The following TOP6BL variants were observed in gnomAD, a reference collection of about 807,000 sequenced individuals.
The protein encoded by TOP6BL is type 2 DNA topoisomerase 6 subunit B-like.
At chr11:66,804,273 G>A in the TOP6BL span, 5 of 1,041,032 alleles carry the variant, frequency 4.8e-6, no homozygotes, top group Non-Finnish European at 6.8e-6. Flanking sequence ...TTTAGTATGT[G>A]AATTCTGCAT....
At chr11:66,780,611 A>C in the TOP6BL span, among the ~76,000 whole-genome samples, 2 of 151,802 alleles carry the variant, frequency 1.3e-5, no homozygotes, top group Non-Finnish European at 2.9e-5. Flanking sequence ...ACAGAGTCTC[A>C]CTCTCTCACC....
chr11:66,766,875 C>T, the TOP6BL span, among the ~76,000 whole-genome samples: 1 of 152,156 alleles, frequency 6.6e-6, no homozygotes, highest in African/African-American at 2.4e-5. Context: ...GGTTCAGTTT[C>T]TTGAAATGAA....
the TOP6BL span, among the ~76,000 whole-genome samples, chr11:66,759,919 A>G: frequency 6.6e-6 from 1 of 152,158 alleles, no homozygotes; most frequent in Non-Finnish European, 1.5e-5. Context: ...AGAATACTCT[A>G]CAAGCCAAAG....
At chr11:66,745,655 CTGTT>C in the TOP6BL span, among the ~76,000 whole-genome samples, 3 of 152,234 alleles carry the variant, frequency 2.0e-5, no homozygotes, top group African/African-American at 7.2e-5. Flanking sequence ...GGCGTCCTGC[CTGTT>C]TGTTGTCATC....
chr11:66,750,614 C>A, the TOP6BL span, among the ~76,000 whole-genome samples: 1 of 152,000 alleles, frequency 6.6e-6, no homozygotes, highest in South Asian at 2.1e-4. Context: ...TCCCATCTTT[C>A]TCCCTCCTAG....
chr11:66,782,381 G>C, the TOP6BL span, among the ~76,000 whole-genome samples: 1 of 152,168 alleles, frequency 6.6e-6, no homozygotes, highest in Admixed American at 6.5e-5. Context: ...CTCACTCTCT[G>C]CATGGATAGT....
At chr11:66,817,009 C>G in the TOP6BL span, among the ~76,000 whole-genome samples, 1 of 152,042 alleles carries the variant, frequency 6.6e-6, no homozygotes, top group Non-Finnish European at 1.5e-5. Flanking sequence ...CAAAAATTAG[C>G]TGGCATGGTG....
the TOP6BL span, chr11:66,788,369 A>G: frequency 2.2e-6 from 2 of 914,262 alleles, no homozygotes; most frequent in Admixed American, 2.6e-5. Context: ...CAAAGTTCCA[A>G]GCTGGAATGA....
the TOP6BL span, chr11:66,816,285 T>C: frequency 8.9e-6 from 12 of 1,346,140 alleles, no homozygotes; most frequent in African/African-American, 1.5e-5. Context: ...ACATCTAAAT[T>C]AGATATATTT....
chr11:66,777,161 A>G, the TOP6BL span, among the ~76,000 whole-genome samples: 1 of 151,050 alleles, frequency 6.6e-6, no homozygotes, highest in Non-Finnish European at 1.5e-5. Flanking sequence ...TAACATAAGC[A>G]TTTTTCATGT....
At chr11:66,745,928 A>T in the TOP6BL span, among the ~76,000 whole-genome samples, 2 of 152,170 alleles carry the variant, frequency 1.3e-5, no homozygotes, top group African/African-American at 4.8e-5. Flanking sequence ...CTCCTGTCTC[A>T]GCCTCCCGAG....
the TOP6BL span, among the ~76,000 whole-genome samples, chr11:66,794,489 A>G: frequency 2.5e-4 from 38 of 152,150 alleles, no homozygotes; most frequent in African/African-American, 9.2e-4. Flanking sequence ...CTCTTTTGTA[A>G]AATATTTATT....
the TOP6BL span, chr11:66,748,488 A>T: frequency 6.5e-7 from 1 of 1,548,296 alleles, no homozygotes; most frequent in Non-Finnish European, 8.7e-7. Context: ...TCTAAGCACC[A>T]GGCAAATGCT....
chr11:66,745,039 G>A, the TOP6BL span: 5 of 1,052,520 alleles, frequency 4.8e-6, no homozygotes, highest in Non-Finnish European at 6.1e-6. Context: ...GGAAGGTTCG[G>A]GAATCGAGGC....
the TOP6BL span, among the ~76,000 whole-genome samples, chr11:66,839,736 A>G: frequency 2.0e-5 from 3 of 152,368 alleles, no homozygotes; most frequent in South Asian, 4.1e-4. Context: ...AATATGATAC[A>G]TACAATTCAG....
At chr11:66,801,742 A>G in the TOP6BL span, among the ~76,000 whole-genome samples, 1 of 152,200 alleles carries the variant, frequency 6.6e-6, no homozygotes, top group African/African-American at 2.4e-5. Flanking sequence ...AGGCCAAAGC[A>G]TGAGAATCAC....
At chr11:66,814,552 C>T in the TOP6BL span, among the ~76,000 whole-genome samples, 2 of 152,038 alleles carry the variant, frequency 1.3e-5, no homozygotes, top group Non-Finnish European at 1.5e-5. Context: ...TGTGAGCCAC[C>T]GCACCCGGCC....
chr11:66,796,519 C>T, the TOP6BL span, among the ~76,000 whole-genome samples: 1 of 152,004 alleles, frequency 6.6e-6, no homozygotes, highest in Non-Finnish European at 1.5e-5. Flanking sequence ...GTGGCTCATA[C>T]CTGTAATCCC....
the TOP6BL span, among the ~76,000 whole-genome samples, chr11:66,810,400 T>A: frequency 6.6e-5 from 10 of 152,232 alleles, no homozygotes; most frequent in South Asian, 2.1e-4. Context: ...TTCTTGAGTA[T>A]ATAAACCAAA....
Sources: gnomAD v4.1 joint callset for allele counts (sites outside exome capture counted in the v4.1 genomes callset) on GRCh38, gnomAD v4.1.1 for gene constraint, MANE v1.5 for transcripts, NCBI Gene and HGNC (gene_info 2026-07-23, HGNC 2026-07-21) for gene names.